Variants in POLR1C observed in about 807,000 individuals in gnomAD.
POLR1C encodes RNA polymerase I and III subunit C.
A neutral mutation model predicts 38.3 loss-of-function variants in POLR1C; 42 were observed. The ratio of observed to expected loss-of-function variants is 1.10; its 90% CI spans 0.86 to 1.42. The LOEUF (loss-of-function observed/expected upper bound fraction) is 1.42, where lower values mean the gene tolerates loss of function less well. Among genes scored for constraint, POLR1C ranks in the 40% most tolerant of loss-of-function variants. POLR1C has a pLI of 0.00. For synonymous variants in POLR1C, 163 were observed against 163.9 expected (o/e 0.99, Z 0.04); for missense variants, 507 against 450.5 (o/e 1.13, Z -1.14).
At chr6:43,537,148 T>A (rs954330577) in intron 9 of POLR1C, among the ~76,000 whole-genome samples, 1 of 151,400 alleles carries the variant, frequency 6.6e-6, no homozygotes, top group Non-Finnish European at 1.5e-5. Context: ...AACTTTTTTT[T>A]TTTTTTTTGT....
At chr6:43,545,941 T>G (rs1311780831) in intron 9 of POLR1C, among the ~76,000 whole-genome samples, 2 of 152,186 alleles carry the variant, frequency 1.3e-5, no homozygotes, top group African/African-American at 4.8e-5. Context: ...TATAAACCAC[T>G]GGGCATCTAG....
chr6:43,524,238 G>A (rs1793388892), downstream of POLR1C, among the ~76,000 whole-genome samples: 1 of 151,974 alleles, frequency 6.6e-6, no homozygotes, highest in Non-Finnish European at 1.5e-5. Flanking sequence ...TGTAATCCCA[G>A]CTACTTGGGA....
At chr6:43,531,508 C>T (rs372953214), downstream of POLR1C, 3 of 1,613,844 alleles carry the variant, frequency 1.9e-6, no homozygotes, top group Non-Finnish European at 1.7e-6. Flanking sequence ...AGAAGAAACG[C>T]TGCATTCTTT....
At chr6:43,549,084 A>G (rs923639674) in intron 9 of POLR1C, among the ~76,000 whole-genome samples, 3 of 152,152 alleles carry the variant, frequency 2.0e-5, no homozygotes, top group Non-Finnish European at 4.4e-5. Context: ...TTTATTTTTG[A>G]GATGGAGTTT....
chr6:43,536,344 G>C (rs981602007), intron 9 of POLR1C, among the ~76,000 whole-genome samples: 1 of 151,316 alleles, frequency 6.6e-6, no homozygotes, highest in African/African-American at 2.4e-5. Context: ...GAACCCAGGA[G>C]GCGGAAATTG....
At chr6:43,546,555 CA>C in intron 9 of POLR1C, 1 of 1,591,640 alleles carries the variant, frequency 6.3e-7, no homozygotes, top group South Asian at 1.1e-5. Context: ...AGAGAAAAGC[CA>C]TTATTCTGAC....
In POLR1C at chr6:43,521,036, G is replaced by A; in HGVS notation, c.910G>A (p.Asp304Asn). Residue 304 changes from aspartate to asparagine, a missense_variant, in exon 8 of 9, where the codon GAT becomes AAT. Transcript: ENST00000642195. ...GGTTGTGAGGCTTGCCCGGGTTCGA[G>A]ATCATTATATCTGTGAGTATGAAGT... is the stretch of plus-strand genomic sequence containing the variant. ...KKVVRLARVR[D>N]HYIFSVESTG... is the part of the protein sequence containing the mutation. The A allele has an allele frequency of 6.2e-7, 1 of 1,613,786 alleles. No individual in the cohort carries two copies. The highest frequency in any genetic ancestry group is 1.6e-4 in the Middle Eastern group (1 of 6,062).
chr6:43,553,400 G>C (rs756726154), intron 10 of POLR1C: 8 of 1,608,088 alleles, frequency 5.0e-6, no homozygotes, highest in Non-Finnish European at 6.8e-6. Context: ...GAAACATCTG[G>C]GTGATAACAC....
intron 10 of POLR1C, chr6:43,556,113 A>G (rs1001627765): frequency 2.1e-5 from 22 of 1,056,396 alleles, no homozygotes; most frequent in Non-Finnish European, 2.9e-5. Context: ...ATCACTCAAT[A>G]AAACTTTATT....
At chr6:43,525,526 A>C (rs1181663891), downstream of POLR1C, 1 of 505,136 alleles carries the variant, frequency 2.0e-6, no homozygotes, top group African/African-American at 1.9e-5. Context: ...AAAAGAAAAA[A>C]TCAAAATGTG....
downstream of POLR1C, chr6:43,524,025 A>G (rs758570217): frequency 1.3e-5 from 21 of 1,608,738 alleles, no homozygotes; most frequent in South Asian, 2.2e-4. Context: ...ACAAATGAGA[A>G]AGAATTAATG....
chr6:43,524,983 G>A, downstream of POLR1C: 1 of 1,611,534 alleles, frequency 6.2e-7, no homozygotes, highest in Non-Finnish European at 8.5e-7. Flanking sequence ...GGAGACAACT[G>A]TGCTTTAGGG....
intron 9 of POLR1C, chr6:43,546,666 AAATCC>A (rs1794978250): frequency 6.2e-7 from 1 of 1,613,750 alleles, no homozygotes; most frequent in Admixed American, 1.7e-5. Flanking sequence ...AACCCACCAC[AAATCC>A]CCCAGCTTTG....
At chr6:43,539,033 G>C in intron 9 of POLR1C, 1 of 1,546,228 alleles carries the variant, frequency 6.5e-7, no homozygotes, top group Non-Finnish European at 8.8e-7. Flanking sequence ...CTGGGCTGAG[G>C]TGTAGCAGTC....
downstream of POLR1C, chr6:43,521,594 A>C: frequency 7.2e-6 from 4 of 552,606 alleles, no homozygotes; most frequent in Non-Finnish European, 1.1e-5. Context: ...GTGCAATCTC[A>C]GCTCACTGCA....
chr6:43,521,159 TA>T (rs760799818), intron 8 of POLR1C, 22 bp from the exon 9 acceptor site: 2 of 1,612,488 alleles, frequency 1.2e-6, no homozygotes, highest in Non-Finnish European at 1.7e-6. Flanking sequence ...CTGCCTAGAC[TA>T]AAGTGTCTCT....
intron 4 of POLR1C, 83 bp downstream of exon 4, chr6:43,519,921 T>C (rs1458893280): frequency 6.5e-7 from 1 of 1,549,588 alleles, no homozygotes; most frequent in African/African-American, 1.4e-5. Flanking sequence ...TTACTTATCT[T>C]TGTACATCAG....
At chr6:43,534,280 A>T (rs1385269803), downstream of POLR1C, among the ~76,000 whole-genome samples, 2 of 152,264 alleles carry the variant, frequency 1.3e-5, no homozygotes, top group Non-Finnish European at 2.9e-5. Context: ...AAAGCTAGAA[A>T]GCAAAATTCT....
intron 9 of POLR1C, chr6:43,539,370 C>G: frequency 1.3e-6 from 2 of 1,578,886 alleles, no homozygotes; most frequent in South Asian, 2.2e-5. Flanking sequence ...TGCTTCTGCA[C>G]TGGCATAATC....
Sources: gnomAD v4.1 joint callset for allele counts (sites outside exome capture counted in the v4.1 genomes callset) on GRCh38, gnomAD v4.1.1 for gene constraint, MANE v1.5 for transcripts, NCBI Gene and HGNC (gene_info 2026-07-23, HGNC 2026-07-21) for gene names.